The following LSM14B variants were observed in gnomAD, a reference collection of about 807,000 sequenced individuals.
LSM14B encodes LSM family member 14B, also known as protein LSM14 homolog B.
In LSM14B, 8 loss-of-function variants were observed where a neutral mutation model predicts 42.1. That is an observed-to-expected ratio of 0.19 (90% confidence interval 0.11 to 0.34). LSM14B has a LOEUF of 0.34. Among genes scored for constraint, LSM14B ranks in the 10% least tolerant of loss-of-function variants. The pLI, the probability that LSM14B is intolerant of heterozygous loss-of-function variation, is 1.00. For synonymous variants in LSM14B, 219 were observed against 209.7 expected, an observed-to-expected ratio of 1.04 and a Z score of -0.38; for missense variants, 396 against 513.1, an observed-to-expected ratio of 0.77 and a Z score of 2.21.
rs200772568 is a variant in LSM14B, at chr20:62,122,777, C to T, written c.111C>T (p.Thr37=). 3 of 1,506,010 alleles carry T rather than the reference C, an allele frequency of 2.0e-6. No individual in the cohort carries two copies. The highest frequency in any genetic ancestry group is 1.8e-6 in the Non-Finnish European group (2 of 1,121,350). The allele number at this position is 1,506,010 out of a possible 1,614,324, so 93.3% of individuals were successfully genotyped here. ...ILYTIDTDNS[T]VALAKVRSFG... is the part of the protein sequence containing the mutation. ...ACACCATCGACACCGACAACTCCACCGTGGCGCTCGCCAAAGGTAGCGGCC... is the reference window on the plus strand; with the variant it reads ...ACACCATCGACACCGACAACTCCACTGTGGCGCTCGCCAAAGGTAGCGGCC... The change falls in exon 1 of 9, where the codon ACC becomes ACT. Residue 37 remains threonine, a synonymous_variant. Coordinates refer to ENST00000279068, the MANE Select transcript of LSM14B (RefSeq NM_144703.3). This position sits in a 1 kb window ranked among gnomAD's most constrained non-coding sequence, Gnocchi z 4.6.
In LSM14B at chr20:62,126,373, G is replaced by A. The variant is rs1171557859; in HGVS notation, c.361G>A (p.Ala121Thr). 1.2e-6 allele frequency: 2 copies of A among 1,612,876 alleles called. No individual in the cohort carries two copies. Among genetic ancestry groups the A allele is most frequent in the Non-Finnish European group, 1.7e-6 (2 of 1,179,882 alleles). Residue 121 changes from alanine to threonine, a missense_variant, in exon 3 of 9, where the codon GCG becomes ACG. By Grantham distance (58) the Ala-to-Thr change is moderately conservative (BLOSUM62 0). Transcript: ENST00000279068. The stretch of plus-strand genomic sequence containing the variant: ...GCCTTACAGCCCTTTCCGAGGGATG[G>A]CGCCCTACGGCCCGCTGGCGGCCAG... ...HVPYSPFRGM[A>T]PYGPLAASSL...
chr20:62,127,372 A>G (rs1307788817), intron 3 of LSM14B, among the ~76,000 whole-genome samples: 1 of 152,220 alleles, frequency 6.6e-6, no homozygotes, highest in Non-Finnish European at 1.5e-5. Flanking sequence ...TCTGTAGGCC[A>G]CTTGCTGCTA....
chr20:62,127,496 C>T (rs1437947268), intron 3 of LSM14B: 3 of 928,766 alleles, frequency 3.2e-6, no homozygotes, highest in Non-Finnish European at 5.0e-6. Flanking sequence ...GGTTGCTTGG[C>T]TCTTTCCAAG....
In LSM14B at chr20:62,133,428, C is replaced by T. The variant is rs1421803302; in HGVS notation, c.1125C>T (p.Pro375=). The T allele has an allele frequency of 6.2e-7, 1 of 1,613,108 alleles. No individual in the cohort carries two copies. Among genetic ancestry groups the T allele is most frequent in the Non-Finnish European group, 8.5e-7 (1 of 1,179,558 alleles). Residue 375 remains proline, a synonymous_variant, in exon 8 of 9, where the codon CCC becomes CCT. Coordinates refer to ENST00000279068, the MANE Select transcript of LSM14B (RefSeq NM_144703.3). ...GCAATGGGACCACCCGTCGCAACCC[C>T]ACTTCCCACAGGGCCGGGACTGGCA... ...GRGNGTTRRN[P]TSHRAGTGRV
chr20:62,122,750 C>G lies in LSM14B; in HGVS notation c.84C>G (p.Leu28=). Residue 28 remains leucine (L), a synonymous_variant, in exon 1 of 9, where the codon CTC becomes CTG. Transcript: ENST00000279068. The surrounding 1 kb of genome is among the most constrained non-coding windows in gnomAD (Gnocchi z 4.6). ...CGCAGATCCGCTACGAGGGCATTCT[C>G]TACACCATCGACACCGACAACTCCA... The part of the protein sequence containing the change: ...SKAQIRYEGI[L]YTIDTDNSTV... 3.3e-6 allele frequency: 5 copies of G among 1,522,086 alleles called. No homozygotes were observed. The highest frequency in any genetic ancestry group is 4.4e-6 in the Non-Finnish European group (5 of 1,130,742). 94.3% of individuals were successfully genotyped at this position (1,522,086 alleles called of 1,614,324 possible).
At position 62,130,539 on chromosome 20, in the gene LSM14B, G is replaced by A. The variant is rs1002806699; in HGVS notation, c.683G>A (p.Arg228Gln). 12 of 1,613,630 alleles carry A rather than the reference G, an allele frequency of 7.4e-6. No individual in the cohort carries two copies. The highest frequency in any genetic ancestry group is 1.7e-5 in the Admixed American group (1 of 59,984). Reference sequence around the variant, plus strand: ...TCCTTTGTCCTCACAGGAAACAGGCGAACAAGGAATCGCTCCAGAGGGCAA... The same window carrying A: ...TCCTTTGTCCTCACAGGAAACAGGCAAACAAGGAATCGCTCCAGAGGGCAA... ...RPQRRRSGNR[R>Q]TRNRSRGQNR... is the part of the protein sequence containing the mutation. Residue 228 changes from arginine (R) to glutamine (Q), a missense_variant, in exon 6 of 9, where the codon CGA (arginine) becomes CAA (glutamine). Physicochemically the swap from Arg to Gln is conservative, Grantham distance 43. Around this residue, in one of 3 missense-constraint regions of LSM14B, gnomAD observed 274 missense variants for 335.8 expected, o/e 0.82. Transcript: ENST00000279068. The surrounding 1 kb of genome is among the most constrained non-coding windows in gnomAD (Gnocchi z 4.1).
chr20:62,124,927 C>T (rs2056543455), intron 2 of LSM14B, 147 bp downstream of exon 2: 8 of 918,902 alleles, frequency 8.7e-6, no homozygotes, highest in Non-Finnish European at 1.1e-5. Context: ...TGTCACCAGG[C>T]TGGAGGTCAG....
intron 7 of LSM14B, 73 bp downstream of exon 7, chr20:62,131,579 G>T (rs1471265883): frequency 5.5e-5 from 86 of 1,570,068 alleles, no homozygotes; most frequent in Non-Finnish European, 7.4e-5. Flanking sequence ...CTCTCAACCT[G>T]AGGGCAGAGC....
chr20:62,134,682 G>C lies in LSM14B; in HGVS notation c.*534G>C, dbSNP rs1237842504. 9.7e-6 allele frequency: 2 copies of C among 206,494 alleles called. No homozygotes were observed. The highest frequency in any genetic ancestry group is 1.2e-4 in the Admixed American group (2 of 17,006). The allele number at this position is 206,494 out of a possible 1,614,324, so 12.8% of individuals were successfully genotyped here. A position where few individuals can be genotyped will look rare whatever the true frequency, so the allele number is the denominator to read the frequency against. ...GCAGGGGTGGGTGGGTGGAGGGCAC[G>C]GAAGGGGTTTTCCCATGGATCATGT... On this transcript the variant is annotated 3_prime_UTR_variant, in exon 9 of 9. Transcript: ENST00000279068.
intron 3 of LSM14B, chr20:62,127,513 A>T: frequency 9.2e-7 from 1 of 1,082,470 alleles, no homozygotes. Context: ...CAAGCTTGCT[A>T]GACACAAGAC....
In LSM14B at chr20:62,133,430, C is replaced by T. The variant is rs758314411; in HGVS notation, c.1127C>T (p.Thr376Ile). ...AATGGGACCACCCGTCGCAACCCCA[C>T]TTCCCACAGGGCCGGGACTGGCAGG... ...RGNGTTRRNP[T>I]SHRAGTGRV Residue 376 changes from threonine to isoleucine, a missense_variant, in exon 8 of 9, where the codon ACT becomes ATT. Coordinates refer to ENST00000279068, the MANE Select transcript of LSM14B (RefSeq NM_144703.3). 6.2e-7 allele frequency: 1 copy of T among 1,613,188 alleles called. No individual in the cohort carries two copies. Among genetic ancestry groups the T allele is most frequent in the South Asian group, 1.1e-5 (1 of 91,066 alleles).
intron 1 of LSM14B, chr20:62,123,226 C>G (rs1250700834): frequency 6.6e-6 from 1 of 152,544 alleles, no homozygotes; most frequent in Admixed American, 6.5e-5. Flanking sequence ...GCCTCGAGGT[C>G]GGGTGGCGGG....
chr20:62,125,799 C>T lies in LSM14B; in HGVS notation c.292-505C>T, dbSNP rs190977304. 1.7e-3 allele frequency among the ~76,000 whole-genome samples: 257 copies of T among 152,286 alleles called. 1 individual carries two copies. Among genetic ancestry groups the T allele is most frequent in the South Asian group, 0.014 (69 of 4,832 alleles). On this transcript the variant is annotated intron_variant, in intron 2 of 8. Transcript: ENST00000279068. ...GGGTTAGAATTACATGGACAAGACA[C>T]CTGTAATCCCAGCACTTTGGGAGGC... is the stretch of plus-strand genomic sequence containing the variant.
rs202042226 is a variant in LSM14B at position 62,130,174 on chromosome 20, G to T, written c.596-45G>T. 1 of 1,555,482 alleles carries T rather than the reference G, an allele frequency of 6.4e-7. No individual in the cohort carries two copies. Among genetic ancestry groups the T allele is most frequent in the African/African-American group, 1.4e-5 (1 of 73,288 alleles). On this transcript the variant is annotated intron_variant, in intron 4 of 8. Coordinates refer to ENST00000279068, the MANE Select transcript of LSM14B (RefSeq NM_144703.3). This position sits in a 1 kb window ranked among gnomAD's most constrained non-coding sequence, Gnocchi z 4.1. ...CTTCCACAGCTGGGTTCTGGCTTCC[G>T]GCTGCTATAGGAGCTTTGCCTTACT... is the stretch of plus-strand genomic sequence containing the variant.
In LSM14B at chr20:62,130,762, G is replaced by A; in HGVS notation, c.835+71G>A. The A allele has an allele frequency of 2.7e-6, 4 of 1,499,426 alleles. No homozygotes were observed. Among genetic ancestry groups the A allele is most frequent in the Non-Finnish European group, 2.7e-6 (3 of 1,109,622 alleles). 92.9% of individuals were successfully genotyped at this position (1,499,426 alleles called of 1,614,324 possible). On this transcript the variant is annotated intron_variant, in intron 6 of 8. Coordinates refer to ENST00000279068, the MANE Select transcript of LSM14B (RefSeq NM_144703.3). The surrounding 1 kb of genome is among the most constrained non-coding windows in gnomAD (Gnocchi z 4.1). ...TAGAGAGTGTTAGGAGGAGATGCCT[G>A]GCCGGGTGTGGTGGTTCACGCCTGT...
At chr20:62,134,052 G>A in intron 8 of LSM14B, 111 bp from the exon 9 acceptor site, 1 of 362,706 alleles carries the variant, frequency 2.8e-6, no homozygotes, top group Non-Finnish European at 5.5e-6. Flanking sequence ...AATGGGGGTA[G>A]CCAGTCTGAC....
chr20:62,127,566 C>A, intron 3 of LSM14B: 1 of 1,518,620 alleles, frequency 6.6e-7, no homozygotes, highest in Non-Finnish European at 8.9e-7. Flanking sequence ...TTTGCTCTTT[C>A]TCCTTTATCT....
Position 62,130,432 on chromosome 20 carries a change from C to T in LSM14B, c.674-98C>T. On this transcript the variant is annotated intron_variant, in intron 5 of 8. Transcript: ENST00000279068. The surrounding 1 kb of genome is among the most constrained non-coding windows in gnomAD (Gnocchi z 4.1). ...TCGCTGCTTGTGTGCTCTGTTCCTT[C>T]TGTGGCCTTGGGGGTGTGCCTGGAA... is the stretch of plus-strand genomic sequence containing the variant. The T allele has an allele frequency of 6.5e-7, 1 of 1,545,190 alleles. No individual in the cohort carries two copies. Among genetic ancestry groups the T allele is most frequent in the Non-Finnish European group, 8.8e-7 (1 of 1,139,460 alleles).
In LSM14B at chr20:62,134,852, G is replaced by A. The variant is rs544482613; in HGVS notation, c.*704G>A. On this transcript the variant is annotated 3_prime_UTR_variant, in exon 9 of 9. Transcript: ENST00000279068. ...ACGGAGCTGCTGCACAGAGCCTGGT[G>A]TCCACAAGCTTCCAGGTTGGGGTTG... 3.8e-4 allele frequency: 58 copies of A among 153,344 alleles called. No individual in the cohort carries two copies. Among genetic ancestry groups the A allele is most frequent in the African/African-American group, 1.2e-3 (49 of 41,596 alleles). The allele number at this position is 153,344 out of a possible 1,614,324, so 9.5% of individuals were successfully genotyped here.
Sources: allele counts gnomAD v4.1 joint callset (sites outside exome capture counted in the v4.1 genomes callset), GRCh38; gene constraint gnomAD v4.1.1; regional missense constraint gnomAD v4.1.1; non-coding constraint Gnocchi (gnomAD v3.1); transcripts MANE v1.5; gene names NCBI Gene and HGNC (gene_info 2026-07-23, HGNC 2026-07-21).